CSMD1: variants seen among roughly 807,000 people sequenced by gnomAD.
CSMD1 encodes the protein CUB and Sushi multiple domains 1.
Under a neutral mutation model 417.5 loss-of-function variants are expected in CSMD1, and 213 were observed. The observed-to-expected ratio is 0.51, with a 90% CI of 0.46 to 0.57. The LOEUF is 0.57. Ranked by LOEUF, CSMD1 falls within the 20% of genes least tolerant of loss-of-function variation. The pLI, the probability that CSMD1 is intolerant of heterozygous loss-of-function variation, is 0.00. For missense variants in CSMD1, 6,923 were observed against 4,529.7 expected, an observed-to-expected ratio of 1.53 and a Z score of -15.17; for synonymous variants, 2,862 against 1,736.8, an observed-to-expected ratio of 1.65 and a Z score of -16.11.
intron 3 of CSMD1, among the ~76,000 whole-genome samples, chr8:4,243,433 C>T (rs1040648532): frequency 6.6e-6 from 1 of 152,150 alleles, no homozygotes. Flanking sequence ...CCTTGTTCCC[C>T]TGTAACTGAC....
intron 18 of CSMD1, among the ~76,000 whole-genome samples, chr8:3,375,833 G>A (rs76476792): frequency 0.049 from 7,414 of 152,174 alleles, 259 homozygotes; most frequent in East Asian, 0.16. Flanking sequence ...TCTACCTTCA[G>A]TGATTCACAC....
intron 25 of CSMD1, among the ~76,000 whole-genome samples, chr8:3,286,435 T>A (rs528435946): frequency 6.6e-6 from 1 of 152,308 alleles, no homozygotes; most frequent in Admixed American, 6.5e-5. Context: ...TAGTTTACAG[T>A]CCCACCAAGA....
chr8:4,499,722 T>A (rs190823888), intron 2 of CSMD1, among the ~76,000 whole-genome samples: 72 of 152,308 alleles, frequency 4.7e-4, no homozygotes, highest in Non-Finnish European at 9.8e-4. Context: ...GTGAAGTTGA[T>A]ATGGGCATTG....
chr8:3,683,596 T>C (rs566624392), intron 7 of CSMD1, among the ~76,000 whole-genome samples: 24 of 152,258 alleles, frequency 1.6e-4, no homozygotes, highest in Non-Finnish European at 2.5e-4. Context: ...TTTTTGAATA[T>C]CATTCTTCTG....
chr8:3,875,015 G>C (rs968047148), intron 5 of CSMD1, among the ~76,000 whole-genome samples: 8 of 152,042 alleles, frequency 5.3e-5, no homozygotes, highest in African/African-American at 1.9e-4. Context: ...AAGAAGAATG[G>C]ATGCAAGCAC....
chr8:3,607,845 AGAT>A (rs1801695804), intron 8 of CSMD1, among the ~76,000 whole-genome samples: 1 of 152,154 alleles, frequency 6.6e-6, no homozygotes, highest in Non-Finnish European at 1.5e-5. Flanking sequence ...GGCAGAAAGG[AGAT>A]GATACTTGAG....
intron 3 of CSMD1, among the ~76,000 whole-genome samples, chr8:4,063,571 G>A (rs1389553296): frequency 6.6e-6 from 1 of 152,110 alleles, no homozygotes; most frequent in Non-Finnish European, 1.5e-5. Flanking sequence ...ATTAATTTAA[G>A]CAATATTCCT....
intron 3 of CSMD1, among the ~76,000 whole-genome samples, chr8:4,361,507 A>C (rs894699906): frequency 6.6e-6 from 1 of 152,176 alleles, no homozygotes; most frequent in Non-Finnish European, 1.5e-5. Context: ...TAGAAGACGG[A>C]GGCCTGCAAG....
intron 3 of CSMD1, among the ~76,000 whole-genome samples, chr8:4,069,382 T>G (rs1799427026): frequency 6.6e-6 from 1 of 152,210 alleles, no homozygotes; most frequent in Non-Finnish European, 1.5e-5. Context: ...ACTTTATGCT[T>G]TCGTCTGTTT....
chr8:3,691,624 C>T (rs546257985), intron 7 of CSMD1, among the ~76,000 whole-genome samples: 1 of 152,274 alleles, frequency 6.6e-6, no homozygotes, highest in East Asian at 1.9e-4. Context: ...AAATATATAA[C>T]AACTGACAGT....
In CSMD1 at chr8:4,027,105, T is replaced by C. The variant is rs534547328; in HGVS notation, c.610+4800A>G. ...AGGTCGGCCACAGAAAAACACAGCTTTGTGGAGCAAAAAGCTTTACACTCA... is the reference window on the plus strand; with the variant it reads ...AGGTCGGCCACAGAAAAACACAGCTCTGTGGAGCAAAAAGCTTTACACTCA... On this transcript the variant is annotated intron_variant, in intron 4 of 69. Coordinates refer to ENST00000635120, the MANE Select transcript of CSMD1 (RefSeq NM_033225.6). Among the ~76,000 whole-genome samples the C allele has an allele frequency of 2.0e-5, 3 of 152,270 alleles. No homozygotes were observed. The East Asian group carries it at 5.8e-4, about 29-fold the overall frequency.
chr8:4,396,303 T>TA lies in CSMD1; in HGVS notation c.415+23649dup, dbSNP rs71534399. Among the ~76,000 whole-genome samples, 1,068 of 139,562 alleles carry TA rather than the reference T, an allele frequency of 7.7e-3. 6 individuals carry two copies. The highest frequency in any genetic ancestry group is 9.9e-3 in the Non-Finnish European group (626 of 62,928). The allele number at this position is 139,562 out of a possible 152,430, so 91.6% of individuals were successfully genotyped here. A position where few individuals can be genotyped will look rare whatever the true frequency, so the allele number is the denominator to read the frequency against. On this transcript the variant is annotated intron_variant, in intron 3 of 69. Transcript: ENST00000635120. ...ACAGTGAGACATCATCTCTTAAAAGTAAAAAAAAAAAAAAATAGCCAGGCA... is the reference window on the plus strand; with the variant it reads ...ACAGTGAGACATCATCTCTTAAAAGTAAAAAAAAAAAAAAAATAGCCAGGCA...
At chr8:3,231,556 C>G (rs1484459848) in intron 26 of CSMD1, among the ~76,000 whole-genome samples, 3 of 152,058 alleles carry the variant, frequency 2.0e-5, no homozygotes, top group Non-Finnish European at 4.4e-5. Context: ...ATAATAAAAT[C>G]CATTTAAATA....
At chr8:4,786,149 G>A (rs181333940) in intron 1 of CSMD1, among the ~76,000 whole-genome samples, 1,591 of 152,290 alleles carry the variant, frequency 0.01, 13 homozygotes, top group East Asian at 0.056. Flanking sequence ...GATTTTAACA[G>A]CCACTTATGA....
chr8:4,830,192 G>A (rs555795414), intron 1 of CSMD1, among the ~76,000 whole-genome samples: 1 of 152,300 alleles, frequency 6.6e-6, no homozygotes, highest in East Asian at 1.9e-4. Context: ...CAATGGGATT[G>A]TGAAACAGAC....
At chr8:2,958,485 A>C (rs1043560360) in intron 62 of CSMD1, among the ~76,000 whole-genome samples, 2 of 152,172 alleles carry the variant, frequency 1.3e-5, no homozygotes, top group Non-Finnish European at 2.9e-5. Flanking sequence ...TTATTCACCC[A>C]TGTGTGTTCC....
At chr8:3,284,464 G>T (rs754099443) in intron 25 of CSMD1, 118 bp from the exon 26 acceptor site, 1 of 700,282 alleles carries the variant, frequency 1.4e-6, no homozygotes, top group East Asian at 2.7e-5. Flanking sequence ...ATGTGCCTCG[G>T]TACTTACTGT....
intron 2 of CSMD1, among the ~76,000 whole-genome samples, chr8:4,562,110 G>T (rs960784992): frequency 2.0e-5 from 3 of 152,178 alleles, no homozygotes; most frequent in Admixed American, 1.3e-4. Context: ...ATAGAGGAGG[G>T]AAGAGTGTAG....
chr8:3,420,928 T>G (rs547804053), intron 12 of CSMD1, among the ~76,000 whole-genome samples: 15 of 152,310 alleles, frequency 9.8e-5, no homozygotes, highest in African/African-American at 3.6e-4. Flanking sequence ...TCCAGTTATC[T>G]AATAATCAGA....
Sources: allele counts gnomAD v4.1 joint callset (sites outside exome capture counted in the v4.1 genomes callset), GRCh38; gene constraint gnomAD v4.1.1; transcripts MANE v1.5; gene names NCBI Gene and HGNC (gene_info 2026-07-23, HGNC 2026-07-21).